Variants in ATXN1 observed in about 807,000 individuals in gnomAD.
ATXN1 encodes ataxin 1.
ATXN1 carries 8 observed loss-of-function variants against 56.4 expected under a neutral mutation model. The ratio of observed to expected loss-of-function variants is 0.14; its 90% CI spans 0.08 to 0.26. The LOEUF is 0.26. ATXN1 is among the 10% of genes least tolerant of loss of function. ATXN1 has a pLI of 1.00. For missense variants in ATXN1, 987 were observed against 1,106.5 expected (o/e 0.89, Z 1.53); for synonymous variants, 514 against 494.6 (o/e 1.04, Z -0.52).
intron 6 of ATXN1, among the ~76,000 whole-genome samples, chr6:16,431,868 T>C (rs1186648167): frequency 6.6e-6 from 1 of 152,184 alleles, no homozygotes; most frequent in African/African-American, 2.4e-5. Flanking sequence ...CAGGCTACTA[T>C]TTATCATTCT....
At chr6:16,426,403 G>A (rs1759155566) in intron 6 of ATXN1, among the ~76,000 whole-genome samples, 1 of 152,082 alleles carries the variant, frequency 6.6e-6, no homozygotes, top group South Asian at 2.1e-4. Flanking sequence ...CTGGCCAAAG[G>A]AAAATGTTGA....
chr6:16,705,935 C>T (rs1759396961), intron 2 of ATXN1, among the ~76,000 whole-genome samples: 1 of 152,066 alleles, frequency 6.6e-6, no homozygotes, highest in Admixed American at 6.6e-5. Context: ...TTGAATGGGT[C>T]TACATTGCAT....
At chr6:16,591,817 A>G (rs1762728297) in intron 3 of ATXN1, among the ~76,000 whole-genome samples, 1 of 151,832 alleles carries the variant, frequency 6.6e-6, no homozygotes, top group African/African-American at 2.4e-5. Context: ...GACTATGGTG[A>G]AAAGGCCACT....
At chr6:16,710,530 A>G (rs1421115955) in intron 2 of ATXN1, among the ~76,000 whole-genome samples, 1 of 152,176 alleles carries the variant, frequency 6.6e-6, no homozygotes, top group Non-Finnish European at 1.5e-5. Flanking sequence ...TCTGTTTTCA[A>G]GATTTACCAT....
intron 6 of ATXN1, among the ~76,000 whole-genome samples, chr6:16,360,651 G>A (rs970180769): frequency 3.9e-5 from 6 of 152,086 alleles, no homozygotes; most frequent in African/African-American, 1.4e-4. Flanking sequence ...TTAAGTCCAG[G>A]GCTCATTCCA....
intron 2 of ATXN1, among the ~76,000 whole-genome samples, chr6:16,669,084 G>A (rs1758487836): frequency 6.6e-6 from 1 of 152,122 alleles, no homozygotes; most frequent in Non-Finnish European, 1.5e-5. Flanking sequence ...TCAAACTCAC[G>A]AGGCATTTCC....
chr6:16,374,252 T>C (rs1762103640), intron 6 of ATXN1, among the ~76,000 whole-genome samples: 1 of 151,958 alleles, frequency 6.6e-6, no homozygotes, highest in Non-Finnish European at 1.5e-5. Flanking sequence ...TTCAGTTAAG[T>C]GCAAAAATTG....
At chr6:16,449,173 A>G (rs1301054929) in intron 6 of ATXN1, among the ~76,000 whole-genome samples, 2 of 152,032 alleles carry the variant, frequency 1.3e-5, no homozygotes, top group African/African-American at 2.4e-5. Context: ...AGTTCTCCCT[A>G]CGTCCACTTG....
At chr6:16,583,778 G>A (rs1561766436) in intron 4 of ATXN1, among the ~76,000 whole-genome samples, 1 of 152,170 alleles carries the variant, frequency 6.6e-6, no homozygotes, top group Non-Finnish European at 1.5e-5. Context: ...AGTCTCTCCA[G>A]GACTGGGATT....
chr6:16,382,585 CTA>C, intron 6 of ATXN1, among the ~76,000 whole-genome samples: 1 of 152,266 alleles, frequency 6.6e-6, no homozygotes, highest in South Asian at 2.1e-4. Context: ...AATATTTAAA[CTA>C]TTTTTTTAAA....
chr6:16,760,647 C>A lies in ATXN1; in HGVS notation c.-730+651G>T, dbSNP rs1189134937. 6.6e-6 allele frequency among the ~76,000 whole-genome samples: 1 copy of A among 151,180 alleles called. No homozygotes were observed. Among genetic ancestry groups the A allele is most frequent in the Non-Finnish European group, 1.5e-5 (1 of 67,680 alleles). ...CCCTTCCCCGCCCGCAGCCGCACAC[C>A]CGGCGAGGCCGGCCCTCCGAGGGGA... is the stretch of plus-strand genomic sequence containing the variant. On this transcript the variant is annotated intron_variant, in intron 1 of 7. Coordinates refer to ENST00000436367, the MANE Select transcript of ATXN1 (RefSeq NM_001128164.2). The surrounding 1 kb of genome is among the most constrained non-coding windows in gnomAD (Gnocchi z 5.3).
Position 16,465,094 on chromosome 6 carries a change from G to A in ATXN1, c.-161+20878C>T, listed in dbSNP as rs991314863. On this transcript the variant is annotated intron_variant, in intron 6 of 7. Coordinates refer to ENST00000436367, the MANE Select transcript of ATXN1 (RefSeq NM_001128164.2). ...AAAAAACAAAAACAACAACAACACT[G>A]CACTGACAGCTGTTTGAAGTGTTCC... 2.0e-5 allele frequency among the ~76,000 whole-genome samples: 3 copies of A among 152,214 alleles called. No homozygotes were observed. In the East Asian group the frequency reaches 5.8e-4, roughly 29 times the overall value.
chr6:16,489,279 C>T (rs1329880346), intron 5 of ATXN1, among the ~76,000 whole-genome samples: 1 of 152,138 alleles, frequency 6.6e-6, no homozygotes, highest in South Asian at 2.1e-4. Context: ...TAGGACTTAA[C>T]CCTTACTCCA....
chr6:16,731,259 CTAAGA>C (rs1253124029), intron 2 of ATXN1, among the ~76,000 whole-genome samples: 5 of 151,826 alleles, frequency 3.3e-5, no homozygotes, highest in African/African-American at 1.2e-4. Flanking sequence ...AGACCCCGTT[CTAAGA>C]TAAGACCCGT....
At chr6:16,472,435 A>C (rs1020025919) in intron 6 of ATXN1, among the ~76,000 whole-genome samples, 1 of 152,168 alleles carries the variant, frequency 6.6e-6, no homozygotes, top group Admixed American at 6.5e-5. Context: ...AACACAGCAA[A>C]CCATATCTTC....
At chr6:16,393,643 G>A (rs1382815604) in intron 6 of ATXN1, among the ~76,000 whole-genome samples, 7 of 152,184 alleles carry the variant, frequency 4.6e-5, no homozygotes, top group African/African-American at 1.4e-4. Context: ...ATACATACCA[G>A]TGTTTATGGC....
chr6:16,726,773 G>A (rs1026682618), intron 2 of ATXN1, among the ~76,000 whole-genome samples: 8 of 152,050 alleles, frequency 5.3e-5, no homozygotes, highest in African/African-American at 1.4e-4. Context: ...CAGAAGAATC[G>A]CTTGAAGCCG....
At chr6:16,644,313 G>A (rs978701743) in intron 3 of ATXN1, among the ~76,000 whole-genome samples, 4 of 152,052 alleles carry the variant, frequency 2.6e-5, no homozygotes, top group African/African-American at 7.2e-5. Flanking sequence ...TCAAGAGATC[G>A]AGACCATCCT....
chr6:16,516,848 T>C (rs1761192515), intron 5 of ATXN1, among the ~76,000 whole-genome samples: 1 of 152,226 alleles, frequency 6.6e-6, no homozygotes, highest in African/African-American at 2.4e-5. Context: ...CAAGAGCCTC[T>C]TGAAGACAGT....
Sources: allele counts gnomAD v4.1 joint callset (sites outside exome capture counted in the v4.1 genomes callset), GRCh38; gene constraint gnomAD v4.1.1; non-coding constraint Gnocchi (gnomAD v3.1); transcripts MANE v1.5; gene names NCBI Gene and HGNC (gene_info 2026-07-23, HGNC 2026-07-21).